DHX57: variants seen among roughly 807,000 people sequenced by gnomAD.
The protein encoded by DHX57 is DExH-box helicase 57.
A neutral mutation model predicts 156.2 loss-of-function variants in DHX57; 105 were observed. The ratio of observed to expected loss-of-function variants is 0.67; its 90% CI spans 0.57 to 0.79. The LOEUF is 0.79. Ranked by LOEUF, DHX57 falls within the 30% of genes least tolerant of loss-of-function variation. DHX57 has a pLI of 0.00. For missense variants in DHX57, 1,847 were observed against 1,661.9 expected (o/e 1.11, Z -1.94); for synonymous variants, 704 against 595.6 (o/e 1.18, Z -2.65).
At chr2:38,825,142 C>T (rs986663838) in intron 16 of DHX57, among the ~76,000 whole-genome samples, 4 of 152,166 alleles carry the variant, frequency 2.6e-5, no homozygotes, top group African/African-American at 9.7e-5. Context: ...ACTTCACATA[C>T]AGCTCCTTTT....
chr2:38,838,047 A>G, intron 12 of DHX57, 100 bp from the exon 13 acceptor site: 1 of 777,000 alleles, frequency 1.3e-6, no homozygotes, highest in Non-Finnish European at 2.2e-6. Flanking sequence ...GAATTAGGTG[A>G]GTGTTGGTTT....
chr2:38,837,797 A>G (rs1165996321), intron 13 of DHX57, 34 bp downstream of exon 13: 1 of 1,312,458 alleles, frequency 7.6e-7, no homozygotes, highest in Non-Finnish European at 1.1e-6. Flanking sequence ...AAGTGTTTCA[A>G]TTGTCATTCA....
chr2:38,844,048 A>G (rs1028243091), intron 11 of DHX57, among the ~76,000 whole-genome samples: 2 of 152,212 alleles, frequency 1.3e-5, no homozygotes, highest in African/African-American at 2.4e-5. Flanking sequence ...CTTTTTAAAA[A>G]AAAGATTTAA....
rs1293011654 is a variant in DHX57 at position 38,818,893 on chromosome 2, G to A, written c.3455C>T (p.Ser1152Phe). The A allele has an allele frequency of 1.2e-6, 2 of 1,614,166 alleles. No homozygotes were observed. The highest frequency in any genetic ancestry group is 1.1e-5 in the South Asian group (1 of 91,084). ...SYNYCRQNFL[S>F]GRVLQEMASL... ...ACAACTCACCTGCAGAACTCTTCCA[G>A]ACAAGAAGTTTTGTCTGCAGTAATT... The change falls in exon 19 of 24, where the codon TCT (serine) becomes TTT (phenylalanine). Residue 1152 changes from serine (S) to phenylalanine (F), a missense_variant. Transcript: ENST00000457308.
chr2:38,861,391 T>C lies in DHX57; in HGVS notation c.1019A>G (p.Asp340Gly). 6.2e-7 allele frequency: 1 copy of C among 1,613,784 alleles called. No individual in the cohort carries two copies. The highest frequency in any genetic ancestry group is 8.5e-7 in the Non-Finnish European group (1 of 1,179,942). Residue 340 changes from aspartate (D) to glycine (G), a missense_variant, in exon 5 of 24, where the codon GAT (aspartate) becomes GGT (glycine). By Grantham distance (94) the Asp-to-Gly change is moderately conservative. Transcript: ENST00000457308. ...ATCTTCAATAGCATTAAGATGAGAATCATCTACACTTCTTTCTATTCTTCC... is the reference window on the plus strand; with the variant it reads ...ATCTTCAATAGCATTAAGATGAGAACCATCTACACTTCTTTCTATTCTTCC... ...IVGRIERSVD[D>G]SHLNAIEDAS...
At chr2:38,810,007 C>T (rs1347932840) in intron 21 of DHX57, among the ~76,000 whole-genome samples, 2 of 151,992 alleles carry the variant, frequency 1.3e-5, no homozygotes, top group Admixed American at 1.3e-4. Flanking sequence ...TATTCTTCTG[C>T]CTCAGCCTCC....
At chr2:38,802,192 C>T (rs1255552471) in intron 23 of DHX57, among the ~76,000 whole-genome samples, 1 of 152,138 alleles carries the variant, frequency 6.6e-6, no homozygotes, top group African/African-American at 2.4e-5. Context: ...CAGACTTCCC[C>T]TCACAGTGTG....
rs572038184 is a variant in DHX57, at chr2:38,806,645, T to G, written c.3730A>C (p.Arg1244=). The change falls in exon 22 of 24, where the codon AGA becomes CGA. Residue 1244 remains arginine, a synonymous_variant. Coordinates refer to ENST00000457308, the MANE Select transcript of DHX57 (RefSeq NM_198963.3). ...AACTCAGCTGATTTTGGTTGCATTC[T>G]GACAGCTCCAGTACTGGTCTTCTGA... ...KFQKTSTGAV[R]MQPKSAELKF... is the part of the protein sequence containing the mutation. 2.5e-6 allele frequency: 4 copies of G among 1,614,212 alleles called. No individual in the cohort carries two copies. The highest frequency in any genetic ancestry group is 3.3e-5 in the Admixed American group (2 of 60,014).
chr2:38,861,680 A>G lies in DHX57; in HGVS notation c.730T>C (p.Cys244Arg), dbSNP rs771220969. Reference sequence around the variant, plus strand: ...GCCTCTTCCTGTCGCTGTTCCATACACTCATCCAAGCTTATCTGGTTGACT... The same window carrying G: ...GCCTCTTCCTGTCGCTGTTCCATACGCTCATCCAAGCTTATCTGGTTGACT... ...EAVNQISLDE[C>R]MEQRQEEAFA... The change falls in exon 5 of 24, where the codon TGT becomes CGT. Residue 244 changes from cysteine to arginine, a missense_variant. By Grantham distance (180) the Cys-to-Arg change is radical. Transcript: ENST00000457308. 1.4e-5 allele frequency: 23 copies of G among 1,614,064 alleles called. No homozygotes were observed. Among genetic ancestry groups the G allele is most frequent in the Non-Finnish European group, 1.7e-5 (20 of 1,180,016 alleles).
chr2:38,831,528 G>A (rs1472585779), intron 13 of DHX57, among the ~76,000 whole-genome samples: 2 of 151,850 alleles, frequency 1.3e-5, no homozygotes. Context: ...TGCTATGCTT[G>A]ATTTTTTTCA....
At chr2:38,843,251 T>C (rs756419335) in intron 11 of DHX57, 41 bp from the exon 12 acceptor site, 2 of 1,601,910 alleles carry the variant, frequency 1.2e-6, no homozygotes, top group Non-Finnish European at 8.5e-7. Context: ...TATGTGGTCC[T>C]GTTGGTGAGG....
intron 2 of DHX57, among the ~76,000 whole-genome samples, chr2:38,866,275 G>A (rs1045299722): frequency 6.6e-6 from 1 of 151,996 alleles, no homozygotes; most frequent in Non-Finnish European, 1.5e-5. Flanking sequence ...TGATCTAATT[G>A]CCTACCACTT....
chr2:38,847,351 C>T (rs756366909), intron 10 of DHX57, among the ~76,000 whole-genome samples: 27 of 152,094 alleles, frequency 1.8e-4, no homozygotes, highest in African/African-American at 5.3e-4. Flanking sequence ...CCCCTGCCCC[C>T]GCCACTTCCA....
intron 13 of DHX57, 81 bp from the exon 14 acceptor site, chr2:38,828,517 T>C (rs1001579538): frequency 1.0e-6 from 1 of 967,172 alleles, no homozygotes. Context: ...AAAAAGAATA[T>C]GATAAATGAA....
intron 21 of DHX57, among the ~76,000 whole-genome samples, chr2:38,808,104 G>A (rs562173800): frequency 2.6e-5 from 4 of 151,220 alleles, no homozygotes; most frequent in East Asian, 3.9e-4. Flanking sequence ...AAAGGTGCAC[G>A]CCACCACACT....
Position 38,861,374 on chromosome 2 carries a change from T to C in DHX57, c.1036A>G (p.Ile346Val). The C allele has an allele frequency of 6.2e-7, 1 of 1,613,696 alleles. No individual in the cohort carries two copies. The highest frequency in any genetic ancestry group is 8.5e-7 in the Non-Finnish European group (1 of 1,179,792). ...TCATATAAAAAAGATGCATCTTCAA[T>C]AGCATTAAGATGAGAATCATCTACA... ...RSVDDSHLNA[I>V]EDASFLYELE... The change falls in exon 5 of 24, where the codon ATT becomes GTT. Residue 346 changes from isoleucine to valine, a missense_variant. Transcript: ENST00000457308.
intron 20 of DHX57, among the ~76,000 whole-genome samples, chr2:38,815,116 G>C (rs538848872): frequency 4.0e-5 from 6 of 151,280 alleles, no homozygotes; most frequent in African/African-American, 7.3e-5. Context: ...GCCCAGGCTA[G>C]AGTGCAGTGT....
chr2:38,858,660 C>T lies in DHX57; in HGVS notation c.1587+1G>A. The T allele has an allele frequency of 6.2e-7, 1 of 1,612,472 alleles. No homozygotes were observed. The highest frequency in any genetic ancestry group is 8.5e-7 in the Non-Finnish European group (1 of 1,179,520). On this transcript the variant is annotated splice_donor_variant, in intron 6 of 23. Transcript: ENST00000457308. LOFTEE classifies it high-confidence loss of function. ...TTACTCATTCTCTCAGCATACCCTA[C>T]CTGTTTCATTCGGAACTGCTTGCAG...
rs1444828175 is a variant in DHX57 at position 38,858,517 on chromosome 2, G to C, written c.1587+144C>G. On this transcript the variant is annotated intron_variant, in intron 6 of 23. Coordinates refer to ENST00000457308, the MANE Select transcript of DHX57 (RefSeq NM_198963.3). The stretch of plus-strand genomic sequence containing the variant: ...CCATCTAGCATATGCACTTAAGTTT[G>C]CTGTGGCCTGTAGAAACTTTGACCA... 2.7e-6 allele frequency: 3 copies of C among 1,102,032 alleles called. No homozygotes were observed. In the East Asian group the frequency reaches 7.3e-5, roughly 27 times the overall value. 68.3% of individuals were successfully genotyped at this position (1,102,032 alleles called of 1,614,324 possible). A position where few individuals can be genotyped will look rare whatever the true frequency, so the allele number is the denominator to read the frequency against.
Sources: gnomAD v4.1 joint callset for allele counts (sites outside exome capture counted in the v4.1 genomes callset) on GRCh38, gnomAD v4.1.1 for gene constraint, MANE v1.5 for transcripts, NCBI Gene and HGNC (gene_info 2026-07-23, HGNC 2026-07-21) for gene names.